ANKMY1: variants seen among roughly 807,000 people sequenced by gnomAD.
ANKMY1 encodes ankyrin repeat and MYND domain containing 1.
A neutral mutation model predicts 102.0 loss-of-function variants in ANKMY1; 98 were observed. The observed-to-expected ratio is 0.96, with a 90% CI of 0.82 to 1.14. The LOEUF (loss-of-function observed/expected upper bound fraction) is 1.14, where lower values mean the gene tolerates loss of function less well. Ranked by LOEUF, ANKMY1 falls within the 50% of genes most tolerant of loss-of-function variation. The pLI, the probability that ANKMY1 is intolerant of heterozygous loss-of-function variation, is 0.00. For missense variants in ANKMY1, 1,330 were observed against 1,347.6 expected (o/e 0.99, Z 0.20); for synonymous variants, 582 against 559.9 (o/e 1.04, Z -0.56).
intron 5 of ANKMY1, chr2:240,527,833 T>G (rs1284639799): frequency 1.3e-5 from 2 of 148,456 alleles, no homozygotes; most frequent in Non-Finnish European, 3.0e-5. Flanking sequence ...GATGGATGAA[T>G]GGATGGTAGG....
At chr2:240,510,491 C>G (rs949136634) in intron 11 of ANKMY1, among the ~76,000 whole-genome samples, 20 of 151,996 alleles carry the variant, frequency 1.3e-4, no homozygotes, top group Non-Finnish European at 2.8e-4. Flanking sequence ...TAGGACCTGA[C>G]CTCTGCGACT....
rs758584713 is a variant in ANKMY1 at position 240,482,176 on chromosome 2, C to T, written c.2885+7G>A. 2.5e-6 allele frequency: 4 copies of T among 1,612,302 alleles called. No individual in the cohort carries two copies. The highest frequency in any genetic ancestry group is 3.4e-6 in the Non-Finnish European group (4 of 1,179,112). On this transcript the variant is annotated splice_region_variant and intron_variant, in intron 16 of 17. Transcript: ENST00000401804. ...CTGGAAAGAACCCAGCCTGCAGACACACTTACTGCCCCTGCTCCTTCACAT... is the reference window on the plus strand; with the variant it reads ...CTGGAAAGAACCCAGCCTGCAGACATACTTACTGCCCCTGCTCCTTCACAT...
At position 240,506,599 on chromosome 2, in the gene ANKMY1, T is replaced by C. The variant is rs7421564; in HGVS notation, c.2526+961A>G. Among the ~76,000 whole-genome samples, 122,408 of 151,754 alleles carry C rather than the reference T, an allele frequency of 0.81. 49,551 individuals carry two copies. Among genetic ancestry groups the C allele is most frequent in the East Asian group, 0.98 (5,018 of 5,130 alleles). Reference sequence around the variant, plus strand: ...CCTTCCAGACGCCTGAGTCTCGCCCTTCCCCTTCCAAATGCCTGGGTCTCG... The same window carrying C: ...CCTTCCAGACGCCTGAGTCTCGCCCCTCCCCTTCCAAATGCCTGGGTCTCG... On this transcript the variant is annotated intron_variant, in intron 13 of 17. Coordinates refer to ENST00000401804, the MANE Select transcript of ANKMY1 (RefSeq NM_001282771.3). The surrounding 1 kb of genome is among the most constrained non-coding windows in gnomAD (Gnocchi z 4.9).
At position 240,512,891 on chromosome 2, in the gene ANKMY1, C is replaced by G. The variant is rs370594143; in HGVS notation, c.2056G>C (p.Gly686Arg). The G allele has an allele frequency of 8.1e-6, 13 of 1,613,926 alleles. No individual in the cohort carries two copies. Among genetic ancestry groups the G allele is most frequent in the Non-Finnish European group, 1.1e-5 (13 of 1,179,988 alleles). Reference sequence around the variant, plus strand: ...AACAGCAGCTCCACAATCTGTACCCCCTCCTCCCCAGGAAGGGCGGCAGCG... The same window carrying G: ...AACAGCAGCTCCACAATCTGTACCCGCTCCTCCCCAGGAAGGGCGGCAGCG... ...HIAAALPGEE[G>R]VQIVELLLHA... The change falls in exon 10 of 18, where the codon GGG (glycine) becomes CGG (arginine). Residue 686 changes from glycine to arginine, a missense_variant. Physicochemically the swap from Gly to Arg is moderately radical, Grantham distance 125. Coordinates refer to ENST00000401804, the MANE Select transcript of ANKMY1 (RefSeq NM_001282771.3).
chr2:240,521,426 C>G (rs2082236217), intron 8 of ANKMY1, among the ~76,000 whole-genome samples: 1 of 148,324 alleles, frequency 6.7e-6, no homozygotes, highest in African/African-American at 2.5e-5. Context: ...GGATCTATGC[C>G]TTTCTGGTGG....
rs573308104 is a variant in ANKMY1, at chr2:240,497,143, C to T, written c.2806+2815G>A. On this transcript the variant is annotated intron_variant, in intron 15 of 17. Coordinates refer to ENST00000401804, the MANE Select transcript of ANKMY1 (RefSeq NM_001282771.3). The stretch of plus-strand genomic sequence containing the variant: ...TGGAAGCTGAGCATAAGAATGGAGC[C>T]GCCACCTCCTCGCCATCTTGGAAGC... 9.9e-5 allele frequency among the ~76,000 whole-genome samples: 15 copies of T among 151,234 alleles called. No homozygotes were observed. In the South Asian group the frequency reaches 3.0e-3, roughly 30 times the overall value.
chr2:240,560,941 G>GC (rs1167342807), upstream of ANKMY1: 1 of 1,534,528 alleles, frequency 6.5e-7, no homozygotes, highest in Non-Finnish European at 8.7e-7. Context: ...GAGCCCACGT[G>GC]CGCCGCCATG....
chr2:240,546,456 C>T (rs1247894761), intron 4 of ANKMY1, among the ~76,000 whole-genome samples: 6 of 152,086 alleles, frequency 3.9e-5, no homozygotes, highest in Admixed American at 3.3e-4. Context: ...CATCAACTAA[C>T]GAGCAAAATA....
chr2:240,482,546 A>C (rs2075539330), intron 15 of ANKMY1, among the ~76,000 whole-genome samples: 1 of 152,210 alleles, frequency 6.6e-6, no homozygotes, highest in Admixed American at 6.5e-5. Context: ...AAGTGTTTCA[A>C]ATTTCCCCTT....
chr2:240,546,369 A>G (rs543244585), intron 4 of ANKMY1, among the ~76,000 whole-genome samples: 155 of 152,320 alleles, frequency 1.0e-3, no homozygotes, highest in African/African-American at 3.6e-3. Context: ...AGCGCTAAAC[A>G]TGGAAAGGAA....
chr2:240,538,517 C>A (rs375932982), intron 4 of ANKMY1, among the ~76,000 whole-genome samples: 1 of 152,150 alleles, frequency 6.6e-6, no homozygotes, highest in Non-Finnish European at 1.5e-5. Flanking sequence ...TGCCTCCCCA[C>A]GGGGCAGGGC....
chr2:240,520,679 A>C lies in ANKMY1; in HGVS notation c.1833-146T>G. On this transcript the variant is annotated intron_variant, in intron 8 of 17. Transcript: ENST00000401804. The surrounding 1 kb of genome is among the most constrained non-coding windows in gnomAD (Gnocchi z 4.8). ...CTACACAATCACACACACAGCACACACCCACACACGCAGACACACCACACA... is the reference window on the plus strand; with the variant it reads ...CTACACAATCACACACACAGCACACCCCCACACACGCAGACACACCACACA... 6 of 1,029,064 alleles carry C rather than the reference A, an allele frequency of 5.8e-6. No homozygotes were observed. Among genetic ancestry groups the C allele is most frequent in the Non-Finnish European group, 8.2e-6 (6 of 728,096 alleles). 63.7% of individuals were successfully genotyped at this position (1,029,064 alleles called of 1,614,324 possible).
chr2:240,551,162 T>G (rs1330288045), intron 4 of ANKMY1, among the ~76,000 whole-genome samples: 3 of 151,998 alleles, frequency 2.0e-5, no homozygotes, highest in Non-Finnish European at 4.4e-5. Flanking sequence ...GTTTTTTTTT[T>G]TTTTGAAATA....
chr2:240,557,776 C>T, intron 1 of ANKMY1, 105 bp downstream of exon 1: 1 of 765,466 alleles, frequency 1.3e-6, no homozygotes, highest in Non-Finnish European at 1.6e-6. Context: ...CGGCCCCTCC[C>T]TGGGGTGGGG....
intron 12 of ANKMY1, chr2:240,507,942 G>A (rs920281136): frequency 1.0e-5 from 4 of 381,546 alleles, no homozygotes; most frequent in Non-Finnish European, 4.7e-6. Context: ...CCACCCAGGT[G>A]GGCCAGTTCC....
At chr2:240,532,430 G>A (rs1183048367) in intron 4 of ANKMY1, among the ~76,000 whole-genome samples, 6 of 152,140 alleles carry the variant, frequency 3.9e-5, no homozygotes, top group Non-Finnish European at 7.4e-5. Context: ...CAGGCAGAAA[G>A]AAAGTGACAC....
chr2:240,541,948 G>A (rs1290939965), intron 4 of ANKMY1, among the ~76,000 whole-genome samples: 5 of 152,160 alleles, frequency 3.3e-5, no homozygotes, highest in East Asian at 3.9e-4. Context: ...AGTGGCTCAC[G>A]CCTGTAATCC....
At chr2:240,534,486 C>T (rs1347894321) in intron 4 of ANKMY1, among the ~76,000 whole-genome samples, 1 of 151,988 alleles carries the variant, frequency 6.6e-6, no homozygotes, top group Non-Finnish European at 1.5e-5. Flanking sequence ...CCTGTAGTCC[C>T]AGCTCCTAGG....
In ANKMY1 at chr2:240,526,381, C is replaced by T; in HGVS notation, c.1018G>A (p.Ala340Thr). ...AILEGKRSGF[A>T]PCGPKEQLSM... ...AGTTGCTCTTTGGGCCCACAGGGTG[C>T]AAAGCCACTGCGCTTCCCCTCCAGG... The change falls in exon 6 of 18, where the codon GCA (alanine) becomes ACA (threonine). Residue 340 changes from alanine (A) to threonine (T), a missense_variant. By Grantham distance (58) the Ala-to-Thr change is moderately conservative. Transcript: ENST00000401804. 6.2e-7 allele frequency: 1 copy of T among 1,614,246 alleles called. No individual in the cohort carries two copies. Among genetic ancestry groups the T allele is most frequent in the Non-Finnish European group, 8.5e-7 (1 of 1,180,050 alleles).
Sources: allele counts gnomAD v4.1 joint callset (sites outside exome capture counted in the v4.1 genomes callset), GRCh38; gene constraint gnomAD v4.1.1; non-coding constraint Gnocchi (gnomAD v3.1); transcripts MANE v1.5; gene names NCBI Gene and HGNC (gene_info 2026-07-23, HGNC 2026-07-21).